Variants in DYNC1I1 observed in about 807,000 individuals in gnomAD.
The protein encoded by DYNC1I1 is dynein cytoplasmic 1 intermediate chain 1, also known as cytoplasmic dynein 1 intermediate chain 1.
DYNC1I1 carries 43 observed loss-of-function variants against 86.6 expected under a neutral mutation model. That is an observed-to-expected ratio of 0.50 (90% CI 0.39 to 0.64). DYNC1I1 has a LOEUF of 0.64. Ranked by LOEUF, DYNC1I1 falls within the 30% of genes least tolerant of loss-of-function variation. DYNC1I1 has a pLI of 0.00. For missense variants in DYNC1I1, 604 were observed against 788.8 expected, an observed-to-expected ratio of 0.77 and a Z score of 2.81; for synonymous variants, 262 against 283.7, an observed-to-expected ratio of 0.92 and a Z score of 0.77.
intron 6 of DYNC1I1, among the ~76,000 whole-genome samples, chr7:95,956,478 C>T (rs533743318): frequency 6.6e-6 from 1 of 151,426 alleles, no homozygotes; most frequent in Non-Finnish European, 1.5e-5. Flanking sequence ...CTGTTTGCTG[C>T]ACCCATTAAC....
At chr7:95,779,834 C>A (rs1793940186) in intron 1 of DYNC1I1, among the ~76,000 whole-genome samples, 1 of 152,142 alleles carries the variant, frequency 6.6e-6, no homozygotes, top group South Asian at 2.1e-4. Flanking sequence ...ATGTAGCGCC[C>A]ATTTTGTGTC....
intron 6 of DYNC1I1, among the ~76,000 whole-genome samples, chr7:95,964,215 A>G (rs1270637189): frequency 6.6e-6 from 1 of 152,196 alleles, no homozygotes; most frequent in Non-Finnish European, 1.5e-5. Context: ...AGAATGAGAA[A>G]ATGGTGAAAT....
chr7:95,989,350 C>G (rs1158761799), intron 9 of DYNC1I1, among the ~76,000 whole-genome samples: 1 of 152,182 alleles, frequency 6.6e-6, no homozygotes, highest in African/African-American at 2.4e-5. Flanking sequence ...AGTGAGTGAT[C>G]TTGCAGAGAC....
At chr7:95,802,643 A>T (rs1794608274) in intron 1 of DYNC1I1, 1 of 152,162 alleles carries the variant, frequency 6.6e-6, no homozygotes, top group Non-Finnish European at 1.5e-5. Context: ...CATTCTTGTC[A>T]ATTAAACTTT....
chr7:95,962,751 G>A (rs910454432), intron 6 of DYNC1I1, among the ~76,000 whole-genome samples: 13 of 152,156 alleles, frequency 8.5e-5, no homozygotes, highest in African/African-American at 2.7e-4. Context: ...ATAACAAAAT[G>A]TAGTGAATAA....
At chr7:95,910,417 A>C (rs1791302086) in intron 6 of DYNC1I1, among the ~76,000 whole-genome samples, 1 of 152,142 alleles carries the variant, frequency 6.6e-6, no homozygotes, top group African/African-American at 2.4e-5. Flanking sequence ...ATTATCTGAC[A>C]GCCCTAGCCC....
intron 6 of DYNC1I1, among the ~76,000 whole-genome samples, chr7:95,939,865 G>C (rs1209671205): frequency 6.6e-6 from 1 of 152,086 alleles, no homozygotes; most frequent in Non-Finnish European, 1.5e-5. Context: ...TATTTTGCTC[G>C]TTAGTTGATG....
chr7:96,072,114 T>G (rs1790185404), intron 14 of DYNC1I1, among the ~76,000 whole-genome samples: 1 of 152,214 alleles, frequency 6.6e-6, no homozygotes, highest in Non-Finnish European at 1.5e-5. Flanking sequence ...TTAGACAATG[T>G]ACATATAGAG....
intron 1 of DYNC1I1, among the ~76,000 whole-genome samples, chr7:95,793,141 A>T (rs1794349221): frequency 1.3e-5 from 2 of 152,174 alleles, no homozygotes; most frequent in Admixed American, 1.3e-4. Flanking sequence ...TAGCAGAGGA[A>T]GATGAGTTAG....
chr7:95,937,706 T>C (rs964955236), intron 6 of DYNC1I1, among the ~76,000 whole-genome samples: 3 of 152,130 alleles, frequency 2.0e-5, no homozygotes, highest in Non-Finnish European at 4.4e-5. Context: ...AGCTGAAATA[T>C]TCTAAATGGT....
intron 6 of DYNC1I1, among the ~76,000 whole-genome samples, chr7:95,927,079 T>C (rs1161326227): frequency 2.0e-5 from 3 of 152,156 alleles, no homozygotes; most frequent in Non-Finnish European, 2.9e-5. Context: ...GCTGTAGTTT[T>C]TAATAATTCT....
At chr7:95,875,494 T>G (rs1790286517) in intron 6 of DYNC1I1, among the ~76,000 whole-genome samples, 1 of 152,204 alleles carries the variant, frequency 6.6e-6, no homozygotes, top group Non-Finnish European at 1.5e-5. Flanking sequence ...TCTCATCTTT[T>G]AAACCGTCCC....
In DYNC1I1 at chr7:95,924,429, C is replaced by T. The variant is rs548083314; in HGVS notation, c.491-53083C>T. ...CAATAATTTTTATATCGGTTATGTA[C>T]GGAAATTATGTTGGATTGTTATTAG... On this transcript the variant is annotated intron_variant, in intron 6 of 16. Coordinates refer to ENST00000447467, the MANE Select transcript of DYNC1I1 (RefSeq NM_001135556.2). 1.6e-4 allele frequency among the ~76,000 whole-genome samples: 24 copies of T among 152,108 alleles called. 1 individual carries two copies. The South Asian group carries it at 4.2e-3, about 26-fold the overall frequency.
intron 16 of DYNC1I1, among the ~76,000 whole-genome samples, chr7:96,105,933 T>C (rs1240077685): frequency 1.3e-5 from 2 of 152,230 alleles, no homozygotes; most frequent in African/African-American, 4.8e-5. Context: ...GATGTATCCA[T>C]ATAAAGTTGT....
At chr7:96,032,904 G>C in intron 12 of DYNC1I1, 124 bp downstream of exon 12, 6 of 716,788 alleles carry the variant, frequency 8.4e-6, no homozygotes, top group South Asian at 7.9e-5. Context: ...GGATGCACTT[G>C]AAAGAGTGGG....
intron 6 of DYNC1I1, among the ~76,000 whole-genome samples, chr7:95,962,703 T>A (rs1176107680): frequency 6.6e-6 from 1 of 152,162 alleles, no homozygotes; most frequent in Non-Finnish European, 1.5e-5. Context: ...ATAAAGTAGA[T>A]CTTAAAGAAG....
intron 6 of DYNC1I1, among the ~76,000 whole-genome samples, chr7:95,964,524 C>T (rs1792957021): frequency 6.6e-6 from 1 of 152,202 alleles, no homozygotes; most frequent in Non-Finnish European, 1.5e-5. Flanking sequence ...CTCCCATATG[C>T]CCAGCCCTTT....
intron 14 of DYNC1I1, among the ~76,000 whole-genome samples, chr7:96,062,563 C>A (rs1313719294): frequency 6.6e-6 from 1 of 152,026 alleles, no homozygotes; most frequent in Admixed American, 6.6e-5. Flanking sequence ...CAGACATATT[C>A]TTCTGATCTT....
chr7:96,054,646 T>C (rs1278057161), intron 14 of DYNC1I1, among the ~76,000 whole-genome samples: 1 of 152,234 alleles, frequency 6.6e-6, no homozygotes, highest in Admixed American at 6.5e-5. Flanking sequence ...CTCCAGCATC[T>C]GTTGTTTCCT....
Sources: allele counts gnomAD v4.1 joint callset (sites outside exome capture counted in the v4.1 genomes callset), GRCh38; gene constraint gnomAD v4.1.1; transcripts MANE v1.5; gene names NCBI Gene and HGNC (gene_info 2026-07-23, HGNC 2026-07-21).